ACTN4: variants seen among roughly 807,000 people sequenced by gnomAD.
ACTN4 encodes alpha-actinin-4.
A neutral mutation model predicts 114.2 loss-of-function variants in ACTN4; 18 were observed. That is an observed-to-expected ratio of 0.16 (90% CI 0.11 to 0.23). The LOEUF is 0.23. Ranked by LOEUF, ACTN4 falls within the 10% of genes least tolerant of loss-of-function variation. ACTN4 has a pLI of 1.00. For missense variants in ACTN4, 722 were observed against 1,262.9 expected (o/e 0.57, Z 6.49); for synonymous variants, 515 against 506.3 (o/e 1.02, Z -0.23).
chr19:38,707,584 A>G (rs887609430), intron 5 of ACTN4, among the ~76,000 whole-genome samples: 4 of 152,176 alleles, frequency 2.6e-5, no homozygotes, highest in South Asian at 2.1e-4. Context: ...TCCTCCAGAG[A>G]CCAGCATGCC....
Position 38,724,123 on chromosome 19 carries a change from C to T in ACTN4, c.1693-34C>T, listed in dbSNP as rs200531899. ...CATCTTCCCAAGAGCCTCTGTGGGG[C>T]TGGGCCGCCCCCTCACTCCAGCTCC... On this transcript the variant is annotated intron_variant, in intron 14 of 20. Transcript: ENST00000252699. This position sits in a 1 kb window ranked among gnomAD's most constrained non-coding sequence, Gnocchi z 7.0. 1 of 1,613,642 alleles carries T rather than the reference C, an allele frequency of 6.2e-7. No homozygotes were observed. Among genetic ancestry groups the T allele is most frequent in the African/African-American group, 1.3e-5 (1 of 75,018 alleles).
At chr19:38,689,559 G>A (rs1013626546) in intron 1 of ACTN4, among the ~76,000 whole-genome samples, 3 of 152,162 alleles carry the variant, frequency 2.0e-5, no homozygotes, top group Non-Finnish European at 4.4e-5. Flanking sequence ...GTGCAGTGGC[G>A]CTGTCATAGC....
intron 1 of ACTN4, among the ~76,000 whole-genome samples, chr19:38,680,216 T>G (rs60687267): frequency 2.7e-3 from 59 of 22,164 alleles, no homozygotes; most frequent in Non-Finnish European, 5.5e-3. Flanking sequence ...CAGGAAGTTT[T>G]TTTTTTTTTT....
chr19:38,677,179 T>C (rs1967405856), intron 1 of ACTN4, among the ~76,000 whole-genome samples: 1 of 151,856 alleles, frequency 6.6e-6, no homozygotes, highest in African/African-American at 2.4e-5. Flanking sequence ...ACCTCCAGCC[T>C]AGGTTAGGAG....
chr19:38,723,155 G>A (rs998867673), intron 12 of ACTN4, among the ~76,000 whole-genome samples: 1 of 152,204 alleles, frequency 6.6e-6, no homozygotes, highest in African/African-American at 2.4e-5. Flanking sequence ...GGTTGAGATG[G>A]GAATGGAGCC....
At chr19:38,700,470 G>T in intron 1 of ACTN4, 130 bp from the exon 2 acceptor site, 2 of 762,202 alleles carry the variant, frequency 2.6e-6, no homozygotes, top group Non-Finnish European at 4.7e-6. Flanking sequence ...GCCATGTACG[G>T]TGTGTGTCGG....
At position 38,724,164 on chromosome 19, in the gene ACTN4, T is replaced by A; in HGVS notation, c.1700T>A (p.Ile567Asn). Reference sequence around the variant, plus strand: ...CTCCAGCTCCTCCCCTAGGGCCTGATCTCAGCCCATGACCAGTTCAAGTCC... The same window carrying A: ...CTCCAGCTCCTCCCCTAGGGCCTGAACTCAGCCCATGACCAGTTCAAGTCC... ...VHTIEEIEGL[I>N]SAHDQFKSTL... is the part of the protein sequence containing the mutation. Residue 567 changes from isoleucine to asparagine, a missense_variant, in exon 15 of 21, where the codon ATC (isoleucine) becomes AAC (asparagine). Ile to Asn is a moderately radical substitution (Grantham distance 149). This residue lies in a region of ACTN4 where 523 missense variants were observed against 875.9 expected (regional missense o/e 0.60). Coordinates refer to ENST00000252699, the MANE Select transcript of ACTN4 (RefSeq NM_004924.6). The surrounding 1 kb of genome is among the most constrained non-coding windows in gnomAD (Gnocchi z 7.0). 6.2e-7 allele frequency: 1 copy of A among 1,613,740 alleles called. No homozygotes were observed. Among genetic ancestry groups the A allele is most frequent in the South Asian group, 1.1e-5 (1 of 91,074 alleles).
At chr19:38,682,898 G>A (rs933780394) in intron 1 of ACTN4, among the ~76,000 whole-genome samples, 39 of 152,104 alleles carry the variant, frequency 2.6e-4, no homozygotes, top group African/African-American at 8.9e-4. Flanking sequence ...CTGACCTGCT[G>A]AGCTTGATTC....
chr19:38,674,072 G>A (rs555729375), intron 1 of ACTN4, among the ~76,000 whole-genome samples: 20 of 151,912 alleles, frequency 1.3e-4, no homozygotes, highest in South Asian at 2.1e-4. Context: ...GAGCCACTGC[G>A]CCCGGTGTGA....
intron 1 of ACTN4, among the ~76,000 whole-genome samples, chr19:38,687,435 T>C (rs1388498627): frequency 6.6e-6 from 1 of 152,228 alleles, no homozygotes; most frequent in Non-Finnish European, 1.5e-5. Flanking sequence ...ATTTTGCCTG[T>C]GGTGAAATTC....
chr19:38,676,337 ATC>A (rs1196548585), intron 1 of ACTN4, among the ~76,000 whole-genome samples: 1 of 152,210 alleles, frequency 6.6e-6, no homozygotes, highest in Non-Finnish European at 1.5e-5. Context: ...AGAAGCAGCA[ATC>A]TCTTACTCAT....
At chr19:38,667,145 G>A (rs759131473) in intron 1 of ACTN4, among the ~76,000 whole-genome samples, 3 of 152,290 alleles carry the variant, frequency 2.0e-5, no homozygotes, top group Non-Finnish European at 4.4e-5. Context: ...TGACACGATG[G>A]CTCAGAACAG....
chr19:38,728,883 G>C, intron 19 of ACTN4, 113 bp from the exon 20 acceptor site: 1 of 1,370,890 alleles, frequency 7.3e-7, no homozygotes, highest in East Asian at 2.3e-5. Context: ...GCACGCACAC[G>C]TGGGTTGGGC....
Position 38,717,291 on chromosome 19 carries a change from T to C in ACTN4, c.1118T>C (p.Met373Thr). 1 of 1,613,768 alleles carries C rather than the reference T, an allele frequency of 6.2e-7. No homozygotes were observed. The highest frequency in any genetic ancestry group is 8.5e-7 in the Non-Finnish European group (1 of 1,179,968). Residue 373 changes from methionine to threonine, a missense_variant, in exon 10 of 21, where the codon ATG (methionine) becomes ACG (threonine). Coordinates refer to ENST00000252699, the MANE Select transcript of ACTN4 (RefSeq NM_004924.6). This position sits in a 1 kb window ranked among gnomAD's most constrained non-coding sequence, Gnocchi z 4.0. ...CGCCTCAGCAACCGGCCCGCCTTCATGCCCTCCGAGGGCAAGATGGTCTCG... is the reference window on the plus strand; with the variant it reads ...CGCCTCAGCAACCGGCCCGCCTTCACGCCCTCCGAGGGCAAGATGGTCTCG... The part of the protein sequence containing the change: ...KLRLSNRPAF[M>T]PSEGKMVSDI...
intron 3 of ACTN4, among the ~76,000 whole-genome samples, chr19:38,704,313 C>T (rs751545918): frequency 2.0e-5 from 3 of 152,208 alleles, no homozygotes; most frequent in African/African-American, 7.2e-5. Context: ...AAGAAGGAAA[C>T]CAACCATGCT....
In ACTN4 at chr19:38,719,228, C is replaced by G. The variant is rs1040867894; in HGVS notation, c.1291+1154C>G. On this transcript the variant is annotated intron_variant, in intron 11 of 20. Transcript: ENST00000252699. ...GTGCCTGGGAGAGCCACAAGAGCCA[C>G]TCACAGGACTCCTCTCCCACTCTGG... Among the ~76,000 whole-genome samples the G allele has an allele frequency of 2.6e-5, 4 of 152,250 alleles. No homozygotes were observed. In the East Asian group the frequency reaches 7.7e-4, roughly 29 times the overall value.
chr19:38,709,418 C>T lies in ACTN4; in HGVS notation c.675C>T (p.Asn225=). 2 of 1,614,212 alleles carry T rather than the reference C, an allele frequency of 1.2e-6. No homozygotes were observed. The highest frequency in any genetic ancestry group is 1.6e-4 in the Middle Eastern group (1 of 6,062). ...LRKDDPVTNL[N]NAFEVAEKYL... Reference sequence around the variant, plus strand: ...AGGACGACCCTGTCACCAACCTGAACAATGCCTTCGAAGTGGCTGAGAAAT... The same window carrying T: ...AGGACGACCCTGTCACCAACCTGAATAATGCCTTCGAAGTGGCTGAGAAAT... The change falls in exon 7 of 21, where the codon AAC becomes AAT. Residue 225 remains asparagine, a synonymous_variant. Coordinates refer to ENST00000252699, the MANE Select transcript of ACTN4 (RefSeq NM_004924.6).
intron 1 of ACTN4, among the ~76,000 whole-genome samples, chr19:38,679,463 C>T (rs1024882215): frequency 2.0e-5 from 3 of 152,158 alleles, no homozygotes; most frequent in African/African-American, 7.2e-5. Flanking sequence ...GTACCTGTCA[C>T]CTGCATCAGT....
rs771782889 is a variant in ACTN4, at chr19:38,700,635, G to A, written c.198G>A (p.Lys66=). The change falls in exon 2 of 21, where the codon AAG becomes AAA. Residue 66 remains lysine (K), a synonymous_variant. Transcript: ENST00000252699. ...FTAWCNSHLR[K]AGTQIENIDE... ...CATGGTGCAACTCCCACCTGCGGAA[G>A]GCAGGCACACAGATCGAGAACATTG... The A allele has an allele frequency of 1.9e-6, 3 of 1,614,192 alleles. No homozygotes were observed. The highest frequency in any genetic ancestry group is 1.7e-6 in the Non-Finnish European group (2 of 1,180,036).
Sources: gnomAD v4.1 joint callset for allele counts (sites outside exome capture counted in the v4.1 genomes callset) on GRCh38, gnomAD v4.1.1 for gene constraint, gnomAD v4.1.1 regional missense constraint, Gnocchi (gnomAD v3.1) non-coding constraint, MANE v1.5 for transcripts, NCBI Gene and HGNC (gene_info 2026-07-23, HGNC 2026-07-21) for gene names.